Variants in ENOX1 observed in about 807,000 individuals in gnomAD.
ENOX1 encodes candidate growth-related and time keeping constitutive hydroquinone (NADH) oxidase.
In ENOX1, 42 loss-of-function variants were observed where a neutral mutation model predicts 82.5. That is an observed-to-expected ratio of 0.51 (90% CI 0.40 to 0.66). The LOEUF is 0.66. Among genes scored for constraint, ENOX1 ranks in the 30% least tolerant of loss-of-function variants. The probability of loss-of-function intolerance (pLI) is 0.00; values close to 1 mark genes in which losing one functional copy is unlikely to be tolerated. For synonymous variants in ENOX1, 271 were observed against 282.2 expected (o/e 0.96, Z 0.40); for missense variants, 608 against 811.6 (o/e 0.75, Z 3.05).
At chr13:43,667,232 AAG>A (rs2153788716) in intron 2 of ENOX1, among the ~76,000 whole-genome samples, 1 of 152,298 alleles carries the variant, frequency 6.6e-6, no homozygotes, top group Admixed American at 6.5e-5. Flanking sequence ...AGAAGTTGGA[AAG>A]AGATTTCAAG....
chr13:43,422,617 C>T (rs766938557), intron 3 of ENOX1, among the ~76,000 whole-genome samples: 1 of 152,068 alleles, frequency 6.6e-6, no homozygotes, highest in Admixed American at 6.6e-5. Context: ...TTGAAGAACT[C>T]TATATTGAGA....
chr13:43,476,269 T>C (rs1400384816), intron 3 of ENOX1, among the ~76,000 whole-genome samples: 2 of 152,098 alleles, frequency 1.3e-5, no homozygotes, highest in South Asian at 2.1e-4. Flanking sequence ...AATACAAATA[T>C]GTATTCACTT....
At chr13:43,229,449 G>T (rs1283623561) in intron 15 of ENOX1, among the ~76,000 whole-genome samples, 1 of 152,186 alleles carries the variant, frequency 6.6e-6, no homozygotes, top group Non-Finnish European at 1.5e-5. Context: ...TGAGCTGGCA[G>T]AACACACTGG....
At chr13:43,328,134 T>G (rs1448693745) in intron 9 of ENOX1, among the ~76,000 whole-genome samples, 3 of 152,210 alleles carry the variant, frequency 2.0e-5, no homozygotes. Flanking sequence ...ACTAAACACC[T>G]GGGGCTGCTC....
At chr13:43,259,968 A>G (rs916933579) in intron 14 of ENOX1, among the ~76,000 whole-genome samples, 1 of 152,152 alleles carries the variant, frequency 6.6e-6, no homozygotes, top group Non-Finnish European at 1.5e-5. Flanking sequence ...TCTTTCGTAC[A>G]GGTTGTCTTT....
chr13:43,777,722 G>C (rs1401339224), intron 1 of ENOX1, among the ~76,000 whole-genome samples: 2 of 147,412 alleles, frequency 1.4e-5, no homozygotes, highest in East Asian at 2.0e-4. Context: ...TTTTTTTTTT[G>C]TATTTTTAGT....
chr13:43,285,785 G>C (rs2045659540), intron 12 of ENOX1, among the ~76,000 whole-genome samples: 1 of 147,150 alleles, frequency 6.8e-6, no homozygotes. Context: ...ACTCCAGCCT[G>C]GGTGACAAGA....
chr13:43,477,252 C>T (rs2153652910), intron 3 of ENOX1, among the ~76,000 whole-genome samples: 1 of 151,160 alleles, frequency 6.6e-6, no homozygotes, highest in African/African-American at 2.4e-5. Flanking sequence ...ATACAACAAC[C>T]TTATTATCAT....
chr13:43,344,688 T>G lies in ENOX1; in HGVS notation c.886A>C (p.Asn296His). ...LLSWIERGEV[N>H]RRSANQFYSM... ...TAGAACTGGTTTGCAGAGCGCCGAT[T>G]CACTTCCCCTCGTTCAATCCAGGAA... Residue 296 changes from asparagine to histidine, a missense_variant, in exon 9 of 17, where the codon AAT (asparagine) becomes CAT (histidine). Physicochemically the swap from Asn to His is moderately conservative, Grantham distance 68 (BLOSUM62 1). Transcript: ENST00000690772. 1 of 1,614,212 alleles carries G rather than the reference T, an allele frequency of 6.2e-7. No homozygotes were observed. The highest frequency in any genetic ancestry group is 8.5e-7 in the Non-Finnish European group (1 of 1,180,032).
chr13:43,354,290 C>T (rs2153555172), intron 8 of ENOX1, among the ~76,000 whole-genome samples: 1 of 152,228 alleles, frequency 6.6e-6, no homozygotes, highest in Non-Finnish European at 1.5e-5. Flanking sequence ...ACAGCCATGG[C>T]CTATGTATTT....
intron 2 of ENOX1, among the ~76,000 whole-genome samples, chr13:43,659,662 T>C (rs1206829460): frequency 6.6e-6 from 1 of 151,940 alleles, no homozygotes; most frequent in Non-Finnish European, 1.5e-5. Context: ...CACAGAAAGG[T>C]TGGGAGTGTG....
chr13:43,294,609 A>T (rs762194263), intron 12 of ENOX1, among the ~76,000 whole-genome samples: 15 of 152,202 alleles, frequency 9.9e-5, no homozygotes, highest in Non-Finnish European at 1.8e-4. Context: ...CATATGACCC[A>T]ACAATCACAT....
At chr13:43,391,481 T>C (rs2052770388) in intron 5 of ENOX1, among the ~76,000 whole-genome samples, 1 of 152,152 alleles carries the variant, frequency 6.6e-6, no homozygotes, top group African/African-American at 2.4e-5. Flanking sequence ...ACTTAAGATA[T>C]CCCACAGGAG....
chr13:43,591,105 T>C (rs556117267), intron 2 of ENOX1, among the ~76,000 whole-genome samples: 35 of 152,316 alleles, frequency 2.3e-4, no homozygotes, highest in African/African-American at 5.3e-4. Flanking sequence ...CACATACCCA[T>C]TGGCTAATTA....
At chr13:43,496,991 A>C (rs1270191342) in intron 2 of ENOX1, among the ~76,000 whole-genome samples, 1 of 152,164 alleles carries the variant, frequency 6.6e-6, no homozygotes, top group African/African-American at 2.4e-5. Context: ...GACTGTGTTA[A>C]ATATACACAT....
At chr13:43,729,134 G>A (rs2153821262) in intron 1 of ENOX1, among the ~76,000 whole-genome samples, 1 of 152,256 alleles carries the variant, frequency 6.6e-6, no homozygotes, top group East Asian at 1.9e-4. Flanking sequence ...GAAAGTGGCA[G>A]AATATGGAAC....
intron 3 of ENOX1, among the ~76,000 whole-genome samples, chr13:43,422,075 T>A (rs1317910103): frequency 2.0e-5 from 3 of 151,962 alleles, no homozygotes; most frequent in Non-Finnish European, 4.4e-5. Context: ...GTGGAGGGAT[T>A]TTTCTTGTAT....
At chr13:43,467,609 TC>T in intron 3 of ENOX1, among the ~76,000 whole-genome samples, 1 of 152,122 alleles carries the variant, frequency 6.6e-6, no homozygotes, top group African/African-American at 2.4e-5. Context: ...CTTTGAGTTC[TC>T]TTTTCACTTT....
rs1353695511 is a variant in ENOX1 at position 43,733,046 on chromosome 13, T to C, written c.-285+53606A>G. ...ACAGATCTCGCTATTATCTAGTCCC[T>C]TCCTGGAAACCTCCCTCCATACCTG... On this transcript the variant is annotated intron_variant, in intron 1 of 16. Coordinates refer to ENST00000690772, the MANE Select transcript of ENOX1 (RefSeq NM_001347969.2). 2.0e-5 allele frequency among the ~76,000 whole-genome samples: 3 copies of C among 152,166 alleles called. No homozygotes were observed. The South Asian group carries it at 6.2e-4, about 32-fold the overall frequency.
Sources: gnomAD v4.1 joint callset for allele counts (sites outside exome capture counted in the v4.1 genomes callset) on GRCh38, gnomAD v4.1.1 for gene constraint, MANE v1.5 for transcripts, NCBI Gene and HGNC (gene_info 2026-07-23, HGNC 2026-07-21) for gene names.